The following GULP1 variants were observed in gnomAD, a reference collection of about 807,000 sequenced individuals.
The protein encoded by GULP1 is PTB domain-containing engulfment adapter protein 1.
A neutral mutation model predicts 40.9 loss-of-function variants in GULP1; 19 were observed. The observed-to-expected ratio is 0.46, with a 90% CI of 0.32 to 0.68. GULP1 has a LOEUF of 0.68. GULP1 is among the 30% of genes least tolerant of loss of function. The pLI, the probability that GULP1 is intolerant of heterozygous loss-of-function variation, is 0.03. For missense variants in GULP1, 312 were observed against 362.2 expected, an observed-to-expected ratio of 0.86 and a Z score of 1.12; for synonymous variants, 119 against 117.6, an observed-to-expected ratio of 1.01 and a Z score of -0.08.
At chr2:188,559,730 G>T (rs367812340) in intron 7 of GULP1, among the ~76,000 whole-genome samples, 1 of 152,106 alleles carries the variant, frequency 6.6e-6, no homozygotes, top group Non-Finnish European at 1.5e-5. Flanking sequence ...GCCAGGGGTG[G>T]AATGATATGG....
intron 1 of GULP1, among the ~76,000 whole-genome samples, chr2:188,316,378 T>C (rs1438940664): frequency 6.6e-6 from 1 of 152,196 alleles, no homozygotes; most frequent in Non-Finnish European, 1.5e-5. Context: ...TTCATTACAG[T>C]TGCACACTCA....
chr2:188,383,183 TTG>T (rs2049232189), intron 1 of GULP1, among the ~76,000 whole-genome samples: 1 of 152,222 alleles, frequency 6.6e-6, no homozygotes, highest in African/African-American at 2.4e-5. Flanking sequence ...ATTTGTGCTG[TTG>T]TGTCTACCCA....
intron 10 of GULP1, among the ~76,000 whole-genome samples, chr2:188,586,766 G>GA (rs1411219536): frequency 6.6e-6 from 1 of 151,910 alleles, no homozygotes; most frequent in African/African-American, 2.4e-5. Flanking sequence ...AAGAATCTGG[G>GA]AAAAAACATG....
At chr2:188,375,200 G>A (rs2048145901) in intron 1 of GULP1, among the ~76,000 whole-genome samples, 1 of 152,126 alleles carries the variant, frequency 6.6e-6, no homozygotes, top group South Asian at 2.1e-4. Context: ...ACCGAGCAGT[G>A]TATGTATAAT....
intron 1 of GULP1, among the ~76,000 whole-genome samples, chr2:188,318,790 A>G (rs527796029): frequency 6.4e-4 from 97 of 152,302 alleles, no homozygotes; most frequent in African/African-American, 2.1e-3. Context: ...TGACTGCAGA[A>G]CTGCCTTTTA....
At chr2:188,593,836 A>T (rs1704063107) in intron 11 of GULP1, 104 bp from the exon 12 acceptor site, 1 of 681,718 alleles carries the variant, frequency 1.5e-6, no homozygotes, top group Non-Finnish European at 2.6e-6. Flanking sequence ...TTATTAGTTG[A>T]TCAAAGCATG....
intron 2 of GULP1, among the ~76,000 whole-genome samples, chr2:188,472,110 A>C (rs2060637280): frequency 6.6e-6 from 1 of 152,078 alleles, no homozygotes; most frequent in African/African-American, 2.4e-5. Context: ...TTGGCCTGTA[A>C]GGTTTCCACT....
intron 1 of GULP1, among the ~76,000 whole-genome samples, chr2:188,330,995 G>GA (rs917506760): frequency 2.0e-5 from 3 of 151,984 alleles, no homozygotes; most frequent in Non-Finnish European, 4.4e-5. Context: ...TCTTGTGTAG[G>GA]AAAAAAAAGT....
chr2:188,424,377 A>G (rs1479866052), intron 2 of GULP1, among the ~76,000 whole-genome samples: 1 of 151,894 alleles, frequency 6.6e-6, no homozygotes, highest in Non-Finnish European at 1.5e-5. Flanking sequence ...ACGAGGCCTC[A>G]TGTATCTACT....
intron 1 of GULP1, among the ~76,000 whole-genome samples, chr2:188,309,546 A>G (rs985295620): frequency 2.0e-5 from 3 of 152,198 alleles, no homozygotes; most frequent in Non-Finnish European, 2.9e-5. Flanking sequence ...GCTTCTGATA[A>G]TGGATCAAGA....
intron 2 of GULP1, among the ~76,000 whole-genome samples, chr2:188,423,850 A>G (rs56246960): frequency 0.031 from 4,638 of 151,818 alleles, 220 homozygotes; most frequent in African/African-American, 0.1. Flanking sequence ...CATTTTAAAA[A>G]TATATAATAT....
intron 1 of GULP1, among the ~76,000 whole-genome samples, chr2:188,303,970 C>A (rs376629577): frequency 9.2e-5 from 14 of 152,180 alleles, no homozygotes; most frequent in African/African-American, 3.1e-4. Context: ...TCCTGGGGCC[C>A]CCCTCTGCCC....
At chr2:188,315,717 C>T (rs139142737) in intron 1 of GULP1, among the ~76,000 whole-genome samples, 6 of 152,038 alleles carry the variant, frequency 3.9e-5, no homozygotes, top group African/African-American at 1.4e-4. Flanking sequence ...TATGTTTTTT[C>T]CTGTACATAC....
intron 2 of GULP1, among the ~76,000 whole-genome samples, chr2:188,473,379 C>G (rs1284202589): frequency 6.6e-6 from 1 of 152,180 alleles, no homozygotes; most frequent in Non-Finnish European, 1.5e-5. Context: ...TGTGTTATCC[C>G]AGGCCCCAGG....
intron 9 of GULP1, among the ~76,000 whole-genome samples, chr2:188,583,604 G>C (rs1327043001): frequency 6.6e-6 from 1 of 152,088 alleles, no homozygotes; most frequent in Non-Finnish European, 1.5e-5. Context: ...TCCTGGCCCA[G>C]ACTGTATCAG....
chr2:188,491,388 C>T (rs2153096462), intron 4 of GULP1: 1 of 152,068 alleles, frequency 6.6e-6, no homozygotes, highest in South Asian at 2.1e-4. Context: ...AGAAAATTAG[C>T]AAACAGGTGA....
chr2:188,589,206 C>T (rs2153473409), intron 11 of GULP1: 1 of 152,204 alleles, frequency 6.6e-6, no homozygotes, highest in East Asian at 1.9e-4. Context: ...AACACCAATA[C>T]AGGACGGATG....
chr2:188,429,141 C>T (rs1310643512), intron 2 of GULP1, among the ~76,000 whole-genome samples: 2 of 152,116 alleles, frequency 1.3e-5, no homozygotes, highest in African/African-American at 2.4e-5. Flanking sequence ...CTGTCATCCG[C>T]TCTCAGGTCT....
At chr2:188,483,373 T>C in intron 3 of GULP1, 58 bp from the exon 4 acceptor site, 2 of 771,152 alleles carry the variant, frequency 2.6e-6, no homozygotes, top group Admixed American at 1.9e-5. Flanking sequence ...CAAATGGTAA[T>C]GCGTGAATAT....
Sources: gnomAD v4.1 joint callset for allele counts (sites outside exome capture counted in the v4.1 genomes callset) on GRCh38, gnomAD v4.1.1 for gene constraint, MANE v1.5 for transcripts, NCBI Gene and HGNC (gene_info 2026-07-23, HGNC 2026-07-21) for gene names.